LINGO1: variants seen among roughly 807,000 people sequenced by gnomAD.
LINGO1 encodes leucine rich repeat and Ig domain containing 1.
In LINGO1, 11 loss-of-function variants were observed where a neutral mutation model predicts 37.3. That is an observed-to-expected ratio of 0.29 (90% CI 0.19 to 0.49). LINGO1 has a LOEUF of 0.49. Among genes scored for constraint, LINGO1 ranks in the 20% least tolerant of loss-of-function variants. The pLI, the probability that LINGO1 is intolerant of heterozygous loss-of-function variation, is 0.99. For missense variants in LINGO1, 585 were observed against 878.2 expected (o/e 0.67, Z 4.22); for synonymous variants, 387 against 403.0 (o/e 0.96, Z 0.48).
chr15:77,776,456 G>GGCAGGAAA (rs2076642380), intron 1 of LINGO1, among the ~76,000 whole-genome samples: 6 of 121,876 alleles, frequency 4.9e-5, no homozygotes, highest in African/African-American at 1.3e-4. Flanking sequence ...TTAGCAGGAA[G>GGCAGGAAA]GCAGGAAGGC....
At chr15:77,683,514 G>C (rs1238847081) in intron 2 of LINGO1, among the ~76,000 whole-genome samples, 16 of 152,176 alleles carry the variant, frequency 1.1e-4, no homozygotes, top group Non-Finnish European at 2.1e-4. Flanking sequence ...ACAAACAATG[G>C]AATATTAGGC....
At chr15:77,615,983 C>A (rs971623999) in intron 1 of LINGO1, 83 bp from the exon 2 acceptor site, 55 of 993,598 alleles carry the variant, frequency 5.5e-5, no homozygotes, top group Non-Finnish European at 6.7e-5. Context: ...CACCTGGGCC[C>A]CTCCTGCCCT....
intron 2 of LINGO1, among the ~76,000 whole-genome samples, chr15:77,683,369 T>C (rs2075449653): frequency 6.6e-6 from 1 of 152,158 alleles, no homozygotes; most frequent in African/African-American, 2.4e-5. Flanking sequence ...TAGAAATCTA[T>C]CCTGCAGAAA....
chr15:77,674,328 C>T (rs374942344), intron 3 of LINGO1, among the ~76,000 whole-genome samples: 3 of 152,318 alleles, frequency 2.0e-5, no homozygotes, highest in Admixed American at 6.5e-5. Context: ...CAACAAACAG[C>T]CTCCTGTCGG....
At chr15:77,817,874 A>C (rs2077061088) in intron 1 of LINGO1, among the ~76,000 whole-genome samples, 1 of 152,226 alleles carries the variant, frequency 6.6e-6, no homozygotes, top group African/African-American at 2.4e-5. Flanking sequence ...GCATTCTCAC[A>C]AAGTGGCTGA....
intron 2 of LINGO1, among the ~76,000 whole-genome samples, chr15:77,720,213 T>C (rs1037248941): frequency 7.4e-6 from 1 of 135,354 alleles, no homozygotes; most frequent in African/African-American, 2.5e-5. Context: ...TTTTTCTTAA[T>C]TGGGAGCTCG....
chr15:77,656,218 A>T (rs1255868322), intron 3 of LINGO1, among the ~76,000 whole-genome samples: 1 of 152,194 alleles, frequency 6.6e-6, no homozygotes, highest in Non-Finnish European at 1.5e-5. Context: ...AGAGAACTCC[A>T]GACCCCACTT....
At chr15:77,651,006 G>C (rs957019401) in intron 3 of LINGO1, among the ~76,000 whole-genome samples, 8 of 152,080 alleles carry the variant, frequency 5.3e-5, no homozygotes, top group South Asian at 2.1e-4. Context: ...TCACTGGTAG[G>C]CTTCAAAGGT....
At chr15:77,622,313 A>T (rs1020936301) in intron 1 of LINGO1, among the ~76,000 whole-genome samples, 1 of 151,230 alleles carries the variant, frequency 6.6e-6, no homozygotes, top group African/African-American at 2.4e-5. Flanking sequence ...GGGGAGAAAG[A>T]TGGGGACACA....
chr15:77,682,218 A>C (rs12911811), intron 2 of LINGO1, among the ~76,000 whole-genome samples: 61,469 of 150,776 alleles, frequency 0.41, 13,277 homozygotes, highest in African/African-American at 0.56. Context: ...AAATTACCTA[A>C]CCTTTCTGGG....
At chr15:77,712,051 C>T (rs371087883) in intron 2 of LINGO1, among the ~76,000 whole-genome samples, 8 of 152,256 alleles carry the variant, frequency 5.3e-5, no homozygotes, top group East Asian at 3.9e-4. Context: ...CCTCTGCCTT[C>T]GAACTTCCTG....
upstream of LINGO1, among the ~76,000 whole-genome samples, chr15:77,697,129 G>A (rs564673047): frequency 6.6e-6 from 1 of 152,256 alleles, no homozygotes. Flanking sequence ...GGGCAATAGA[G>A]CCGGGGCTCA....
chr15:77,792,224 G>A (rs1265224125), intron 2 of LINGO1, among the ~76,000 whole-genome samples: 1 of 152,188 alleles, frequency 6.6e-6, no homozygotes, highest in Non-Finnish European at 1.5e-5. Flanking sequence ...TTCCCAGGCT[G>A]GCCCTCTCCC....
At chr15:77,723,830 A>AG (rs1455669923) in intron 2 of LINGO1, among the ~76,000 whole-genome samples, 3 of 151,714 alleles carry the variant, frequency 2.0e-5, no homozygotes, top group African/African-American at 7.3e-5. Context: ...CAGGTGGGGG[A>AG]GGGGGCAACA....
intron 1 of LINGO1, among the ~76,000 whole-genome samples, chr15:77,691,581 C>G (rs970307688): frequency 6.6e-6 from 1 of 152,090 alleles, no homozygotes. Flanking sequence ...CTGGACCCTC[C>G]CTCAGCCCCT....
At chr15:77,809,713 T>TAC (rs1242551343) in intron 1 of LINGO1, among the ~76,000 whole-genome samples, 1 of 152,144 alleles carries the variant, frequency 6.6e-6, no homozygotes, top group East Asian at 1.9e-4. Context: ...AGGACCAACC[T>TAC]ACAGCCAGCC....
At chr15:77,706,005 C>T (rs919997186) in intron 2 of LINGO1, among the ~76,000 whole-genome samples, 3 of 152,180 alleles carry the variant, frequency 2.0e-5, no homozygotes, top group South Asian at 2.1e-4. Context: ...CTGTGTGGCC[C>T]GGGGTGGGCC....
At chr15:77,701,060 T>C (rs963148081), upstream of LINGO1, among the ~76,000 whole-genome samples, 1 of 152,120 alleles carries the variant, frequency 6.6e-6, no homozygotes, top group Admixed American at 6.5e-5. Context: ...GTGTTCTTAT[T>C]CCCACTTGAC....
chr15:77,801,781 A>C (rs1048664510), intron 1 of LINGO1, among the ~76,000 whole-genome samples: 2 of 152,044 alleles, frequency 1.3e-5, no homozygotes, highest in African/African-American at 4.8e-5. Flanking sequence ...GCTCAGCTGG[A>C]GACTGTGGAA....
Sources: allele counts gnomAD v4.1 joint callset (sites outside exome capture counted in the v4.1 genomes callset), GRCh38; gene constraint gnomAD v4.1.1; transcripts MANE v1.5; gene names NCBI Gene and HGNC (gene_info 2026-07-23, HGNC 2026-07-21).